The following DLGAP4 variants were observed in gnomAD, a reference collection of about 807,000 sequenced individuals.
DLGAP4 encodes the protein disks large-associated protein 4.
DLGAP4 carries 18 observed loss-of-function variants against 86.9 expected under a neutral mutation model. The observed-to-expected ratio is 0.21, with a 90% CI of 0.14 to 0.31. The LOEUF (loss-of-function observed/expected upper bound fraction) is 0.31, where lower values mean the gene tolerates loss of function less well. Ranked by LOEUF, DLGAP4 falls within the 10% of genes least tolerant of loss-of-function variation. The pLI is 1.00. For missense variants in DLGAP4, 1,085 were observed against 1,362.6 expected (o/e 0.80, Z 3.21); for synonymous variants, 548 against 574.3 (o/e 0.95, Z 0.65).
intron 7 of DLGAP4, chr20:36,462,524 C>A (rs1316164800): frequency 1.9e-6 from 3 of 1,600,322 alleles, no homozygotes. Context: ...CTCCCTTTTT[C>A]TGTCTTTGCC....
intron 1 of DLGAP4, among the ~76,000 whole-genome samples, chr20:36,314,955 TTTGTG>T (rs2065082734): frequency 7.4e-6 from 1 of 134,344 alleles, no homozygotes; most frequent in Non-Finnish European, 1.6e-5. Flanking sequence ...GTGATGTGTG[TTTGTG>T]GTGTGTTATC....
intron 1 of DLGAP4, among the ~76,000 whole-genome samples, chr20:36,322,571 G>A (rs782572223): frequency 8.5e-5 from 13 of 152,288 alleles, no homozygotes; most frequent in South Asian, 2.1e-4. Flanking sequence ...AATAAAGTGC[G>A]TAGGACAGCA....
chr20:36,361,018 A>G (rs2030502063), intron 1 of DLGAP4, among the ~76,000 whole-genome samples: 1 of 151,912 alleles, frequency 6.6e-6, no homozygotes, highest in Non-Finnish European at 1.5e-5. Context: ...CGTGGGGGCC[A>G]ATGGCGTCAC....
In DLGAP4 at chr20:36,443,197, G is replaced by A. The variant is rs193123973; in HGVS notation, c.1407+420G>A. Among the ~76,000 whole-genome samples the A allele has an allele frequency of 2.8e-3, 429 of 152,262 alleles. 2 individuals are homozygous for A. The highest frequency in any genetic ancestry group is 4.3e-3 in the Admixed American group (65 of 15,290). On this transcript the variant is annotated intron_variant, in intron 6 of 12. Coordinates refer to ENST00000339266, the MANE Select transcript of DLGAP4 (RefSeq NM_001365621.2). ...CCTTGGCTTTTCTCCTTTCTGGAGC[G>A]CCAGGAGGACATTTAAAGATGTTGG...
chr20:36,343,636 C>T (rs903269221), intron 1 of DLGAP4, among the ~76,000 whole-genome samples: 6 of 152,196 alleles, frequency 3.9e-5, no homozygotes, highest in Non-Finnish European at 7.3e-5. Flanking sequence ...CCCAACCCCC[C>T]GTTGGGTGAA....
At chr20:36,462,570 T>C in intron 7 of DLGAP4, 2 of 1,601,362 alleles carry the variant, frequency 1.2e-6, no homozygotes, top group Non-Finnish European at 1.7e-6. Flanking sequence ...CCGGCCCTCA[T>C]GGCTTTGTGT....
intron 2 of DLGAP4, among the ~76,000 whole-genome samples, chr20:36,417,112 A>G (rs1600502662): frequency 6.6e-6 from 1 of 152,162 alleles, no homozygotes; most frequent in East Asian, 1.9e-4. Context: ...GAAAACAATC[A>G]GGAGGGGTGT....
intron 7 of DLGAP4, among the ~76,000 whole-genome samples, chr20:36,459,474 C>T (rs774691621): frequency 1.2e-4 from 19 of 152,154 alleles, no homozygotes; most frequent in Non-Finnish European, 2.6e-4. Context: ...CCTCCTGGGC[C>T]CAAGCAATCC....
intron 2 of DLGAP4, among the ~76,000 whole-genome samples, chr20:36,430,850 C>T (rs1222079661): frequency 1.3e-5 from 2 of 150,800 alleles, no homozygotes; most frequent in Non-Finnish European, 1.5e-5. Flanking sequence ...AGCTACTCGG[C>T]AGGCTGAGGC....
At chr20:36,349,691 A>G (rs1247488839) in intron 1 of DLGAP4, among the ~76,000 whole-genome samples, 2 of 152,292 alleles carry the variant, frequency 1.3e-5, no homozygotes, top group African/African-American at 4.8e-5. Context: ...CGTGCCCAGC[A>G]TTCATCCTGG....
At chr20:36,403,059 G>T (rs2032209860) in intron 2 of DLGAP4, among the ~76,000 whole-genome samples, 1 of 152,210 alleles carries the variant, frequency 6.6e-6, no homozygotes, top group Admixed American at 6.5e-5. Context: ...TGTGTAGCTG[G>T]CAGAAGAAGA....
At chr20:36,402,742 T>TA (rs201826241) in intron 2 of DLGAP4, among the ~76,000 whole-genome samples, 5 of 151,836 alleles carry the variant, frequency 3.3e-5, no homozygotes, top group Admixed American at 6.6e-5. Flanking sequence ...CCCTGTCTCA[T>TA]AAAAAAAAAT....
intron 1 of DLGAP4, among the ~76,000 whole-genome samples, chr20:36,364,410 T>A (rs1340040615): frequency 6.6e-6 from 1 of 152,184 alleles, no homozygotes; most frequent in Non-Finnish European, 1.5e-5. Context: ...TGAGATATAA[T>A]TCACATACCA....
intron 11 of DLGAP4, among the ~76,000 whole-genome samples, chr20:36,525,254 A>AAAAAAAAAC (rs1569527332): frequency 1.6e-5 from 1 of 62,464 alleles, no homozygotes; most frequent in Admixed American, 1.9e-4. Context: ...AAAAAAAAAA[A>AAAAAAAAAC]CAAAGAAATC....
chr20:36,346,147 G>T (rs143630385), intron 1 of DLGAP4, among the ~76,000 whole-genome samples: 196 of 152,288 alleles, frequency 1.3e-3, no homozygotes, highest in African/African-American at 4.5e-3. Context: ...TCCCTTGGAG[G>T]GACTTGATGC....
At chr20:36,447,908 G>GGC (rs1555903961) in intron 7 of DLGAP4, among the ~76,000 whole-genome samples, 2 of 127,810 alleles carry the variant, frequency 1.6e-5, no homozygotes, top group African/African-American at 5.7e-5. Context: ...GGGTGGGGGG[G>GGC]GGGGAGACAA....
chr20:36,435,488 G>A (rs945446471), intron 3 of DLGAP4, among the ~76,000 whole-genome samples: 1 of 152,198 alleles, frequency 6.6e-6, no homozygotes, highest in Non-Finnish European at 1.5e-5. Context: ...CCCGTTCCAC[G>A]GACGGAGTCC....
At chr20:36,352,720 C>T (rs570511647) in intron 1 of DLGAP4, among the ~76,000 whole-genome samples, 5 of 152,090 alleles carry the variant, frequency 3.3e-5, no homozygotes, top group African/African-American at 1.2e-4. Flanking sequence ...GGCAGTGCTG[C>T]ATGGAGATGT....
In DLGAP4 at chr20:36,528,143, T is replaced by C. The variant is rs1271878313; in HGVS notation, c.*1112T>C. The C allele has an allele frequency of 6.6e-6, 1 of 152,494 alleles. No individual in the cohort carries two copies. Among genetic ancestry groups the C allele is most frequent in the Non-Finnish European group, 1.5e-5 (1 of 68,038 alleles). 9.4% of individuals were successfully genotyped at this position (152,494 alleles called of 1,614,324 possible). A position where few individuals can be genotyped will look rare whatever the true frequency, so the allele number is the denominator to read the frequency against. ...CCTTGTGTGTAAGCAGCCCTTTTTT[T>C]TTTTGGTCTCCACCCCCCTCCCCCC... On this transcript the variant is annotated 3_prime_UTR_variant, in exon 13 of 13. Transcript: ENST00000339266.
Sources: allele counts gnomAD v4.1 joint callset (sites outside exome capture counted in the v4.1 genomes callset), GRCh38; gene constraint gnomAD v4.1.1; transcripts MANE v1.5; gene names NCBI Gene and HGNC (gene_info 2026-07-23, HGNC 2026-07-21).